Variants in MERTK observed in about 807,000 individuals in gnomAD.
MERTK encodes tyrosine-protein kinase Mer.
In MERTK, 69 loss-of-function variants were observed where a neutral mutation model predicts 99.3. The observed-to-expected ratio is 0.70, with a 90% CI of 0.57 to 0.85. The LOEUF (loss-of-function observed/expected upper bound fraction) is 0.85. Ranked by LOEUF, MERTK falls within the 40% of genes least tolerant of loss-of-function variation. MERTK has a pLI of 0.00. For synonymous variants in MERTK, 426 were observed against 467.6 expected (o/e 0.91, Z 1.15); for missense variants, 1,125 against 1,249.4 (o/e 0.90, Z 1.50).
chr2:111,979,229 C>T lies in MERTK; in HGVS notation c.1145-3613C>T, dbSNP rs1215775046. On this transcript the variant is annotated intron_variant, in intron 7 of 18. Coordinates refer to ENST00000295408, the MANE Select transcript of MERTK (RefSeq NM_006343.3). ...ACATAAAAAGTAAAGATTGTGGGAA[C>T]TTGCATATCCTTATGTAATACTGGC... is the stretch of plus-strand genomic sequence containing the variant. Among the ~76,000 whole-genome samples the T allele has an allele frequency of 2.6e-5, 4 of 152,106 alleles. 1 individual carries two copies. The highest frequency in any genetic ancestry group is 1.3e-4 in the Admixed American group (2 of 15,264).
chr2:111,940,950 A>T (rs1183491008), intron 2 of MERTK: 5 of 654,066 alleles, frequency 7.6e-6, no homozygotes, highest in Non-Finnish European at 1.5e-5. Flanking sequence ...CAAGCCAAAC[A>T]GTGAAGTTTC....
At chr2:111,982,729 A>G (rs1676397299) in intron 7 of MERTK, 113 bp from the exon 8 acceptor site, 3 of 1,177,690 alleles carry the variant, frequency 2.5e-6, no homozygotes, top group African/African-American at 1.5e-5. Context: ...TCTTGGTCTC[A>G]TTTGAGTGCT....
intron 15 of MERTK, 99 bp downstream of exon 15, chr2:112,010,165 G>T: frequency 1.1e-6 from 1 of 935,960 alleles, no homozygotes; most frequent in South Asian, 1.3e-5. Flanking sequence ...AGCCAGGAAG[G>T]AGAGGACGTT....
intron 11 of MERTK, among the ~76,000 whole-genome samples, chr2:112,001,648 A>C (rs1290579782): frequency 1.3e-5 from 2 of 152,166 alleles, no homozygotes; most frequent in African/African-American, 4.8e-5. Flanking sequence ...CTGGCAACCA[A>C]CTCCGAGGAT....
intron 1 of MERTK, among the ~76,000 whole-genome samples, chr2:111,917,705 T>C (rs974572504): frequency 6.6e-6 from 1 of 151,982 alleles, no homozygotes; most frequent in African/African-American, 2.4e-5. Flanking sequence ...GCCAACATGG[T>C]GAAACCCCGT....
chr2:111,899,382 T>C (rs930968245), intron 1 of MERTK, among the ~76,000 whole-genome samples: 1 of 152,216 alleles, frequency 6.6e-6, no homozygotes, highest in Non-Finnish European at 1.5e-5. Flanking sequence ...CGGGCATTAT[T>C]AGTATCCCTT....
chr2:112,020,685 G>T (rs770407294), intron 16 of MERTK: 5 of 471,042 alleles, frequency 1.1e-5, no homozygotes, highest in South Asian at 7.7e-5. Context: ...AACTCTCAGG[G>T]GGCTTACTTA....
At chr2:112,023,102 A>T (rs1677390728) in intron 18 of MERTK, among the ~76,000 whole-genome samples, 1 of 151,932 alleles carries the variant, frequency 6.6e-6, no homozygotes, top group African/African-American at 2.4e-5. Context: ...ACATAGAGAG[A>T]CCCTGTCTTT....
intron 1 of MERTK, among the ~76,000 whole-genome samples, chr2:111,914,086 T>C (rs1395242729): frequency 1.5e-5 from 2 of 137,214 alleles, no homozygotes; most frequent in African/African-American, 2.8e-5. Flanking sequence ...CTTTTCTTTC[T>C]TTCTTTCTTT....
At chr2:111,922,566 C>T (rs1684485597) in intron 1 of MERTK, among the ~76,000 whole-genome samples, 1 of 152,208 alleles carries the variant, frequency 6.6e-6, no homozygotes, top group South Asian at 2.1e-4. Context: ...TTTAGAAATT[C>T]CTACTTTAGG....
At chr2:111,919,319 T>C (rs1198313848) in intron 1 of MERTK, among the ~76,000 whole-genome samples, 1 of 151,410 alleles carries the variant, frequency 6.6e-6, no homozygotes, top group Non-Finnish European at 1.5e-5. Context: ...AAAGTAGGGG[T>C]CTGACCCTGG....
intron 6 of MERTK, among the ~76,000 whole-genome samples, chr2:111,969,268 G>T (rs1429068254): frequency 6.6e-6 from 1 of 152,136 alleles, no homozygotes; most frequent in Non-Finnish European, 1.5e-5. Flanking sequence ...GCCTGTGAGT[G>T]GTAGAACCAG....
rs112541306 is a variant in MERTK at position 112,008,483 on chromosome 2, C to T, written c.1960+8C>T. 1,248 of 1,610,218 alleles carry T rather than the reference C, an allele frequency of 7.8e-4. 17 individuals carry two copies. The East Asian group carries it at 0.012, about 16-fold the overall frequency. ...ATGTCATTCGACTTCTAGGTACTTC[C>T]GAGAAATGCAGGAGTGGGTGGCCAA... On this transcript the variant is annotated splice_region_variant and intron_variant, in intron 14 of 18. Coordinates refer to ENST00000295408, the MANE Select transcript of MERTK (RefSeq NM_006343.3).
chr2:111,913,157 C>G, intron 1 of MERTK: 1 of 818,604 alleles, frequency 1.2e-6, no homozygotes, highest in Non-Finnish European at 1.5e-6. Flanking sequence ...GACCTCTATG[C>G]CAGGAATCAA....
intron 8 of MERTK, among the ~76,000 whole-genome samples, chr2:111,988,276 T>G (rs1469636852): frequency 6.6e-6 from 1 of 152,156 alleles, no homozygotes; most frequent in Non-Finnish European, 1.5e-5. Context: ...TGGTGTTGTC[T>G]TAAAGTATGA....
Position 112,009,933 on chromosome 2 carries a change from T to C in MERTK, c.1961-15T>C. On this transcript the variant is annotated splice_polypyrimidine_tract_variant and intron_variant, in intron 14 of 18. Transcript: ENST00000295408. ...CAAGGACTCTTTGTAATTGATGCTGTGTTTGTAATTTCAGGTGTGTGTATA... is the reference window on the plus strand; with the variant it reads ...CAAGGACTCTTTGTAATTGATGCTGCGTTTGTAATTTCAGGTGTGTGTATA... The C allele has an allele frequency of 6.4e-7, 1 of 1,563,966 alleles. No individual in the cohort carries two copies. The highest frequency in any genetic ancestry group is 8.8e-7 in the Non-Finnish European group (1 of 1,134,588).
rs371021024 is a variant in MERTK at position 111,959,542 on chromosome 2, G to GTGCT, written c.758-5648_758-5645dup. ...GCCTGACTCTGTCGCCCAGCCTGGA[G>GTGCT]TGCTCACTGTAGCCTCAACCTCCTA... On this transcript the variant is annotated intron_variant, in intron 4 of 18. Coordinates refer to ENST00000295408, the MANE Select transcript of MERTK (RefSeq NM_006343.3). Among the ~76,000 whole-genome samples the GTGCT allele has an allele frequency of 3.0e-3, 457 of 152,154 alleles. 6 individuals are homozygous for GTGCT. Among genetic ancestry groups the GTGCT allele is most frequent in the African/African-American group, 0.01 (420 of 41,504 alleles).
chr2:111,968,981 C>T (rs750975109), intron 6 of MERTK, among the ~76,000 whole-genome samples: 2 of 152,178 alleles, frequency 1.3e-5, no homozygotes, highest in Non-Finnish European at 2.9e-5. Flanking sequence ...TGCTACTGAG[C>T]GTAGCACCTT....
At chr2:111,963,095 A>G (rs953926527) in intron 4 of MERTK, among the ~76,000 whole-genome samples, 2 of 151,958 alleles carry the variant, frequency 1.3e-5, no homozygotes, top group African/African-American at 4.9e-5. Flanking sequence ...GTCAGCAGAT[A>G]AACACGTGAA....
Sources: gnomAD v4.1 joint callset for allele counts (sites outside exome capture counted in the v4.1 genomes callset) on GRCh38, gnomAD v4.1.1 for gene constraint, MANE v1.5 for transcripts, NCBI Gene and HGNC (gene_info 2026-07-23, HGNC 2026-07-21) for gene names.